Variants in PHF24 observed in about 807,000 individuals in gnomAD.
The protein encoded by PHF24 is Galpha inhibitory interacting protein.
PHF24 carries 25 observed loss-of-function variants against 42.6 expected under a neutral mutation model. The observed-to-expected ratio is 0.59, with a 90% CI of 0.43 to 0.82. The LOEUF is 0.82. Ranked by LOEUF, PHF24 falls within the 40% of genes least tolerant of loss-of-function variation. The pLI is 0.00. For missense variants in PHF24, 470 were observed against 538.1 expected, an observed-to-expected ratio of 0.87 and a Z score of 1.25; for synonymous variants, 185 against 204.8, an observed-to-expected ratio of 0.90 and a Z score of 0.83.
chr9:34,854,196 AT>A, the PHF24 span, among the ~76,000 whole-genome samples: 10,081 of 106,586 alleles, frequency 0.095, 1,168 homozygotes, highest in African/African-American at 0.31. Context: ...CAGTCTATCT[AT>A]TTTTTTTTTT....
At chr9:34,679,664 G>A in the PHF24 span, among the ~76,000 whole-genome samples, 2 of 152,162 alleles carry the variant, frequency 1.3e-5, no homozygotes, top group South Asian at 2.1e-4. Context: ...GCAGTGAGCC[G>A]AGATCGCGGC....
chr9:34,941,064 C>A, the PHF24 span, among the ~76,000 whole-genome samples: 1 of 152,158 alleles, frequency 6.6e-6, no homozygotes, highest in Admixed American at 6.6e-5. Context: ...ATATGAAATA[C>A]AAAATCCCCC....
At chr9:34,932,015 G>A in the PHF24 span, among the ~76,000 whole-genome samples, 1 of 152,196 alleles carries the variant, frequency 6.6e-6, no homozygotes, top group Admixed American at 6.5e-5. Context: ...ATGGTGTGGG[G>A]TAAGGAGTGA....
chr9:34,884,444 G>A, the PHF24 span, among the ~76,000 whole-genome samples: 1 of 152,158 alleles, frequency 6.6e-6, no homozygotes, highest in Admixed American at 6.5e-5. Flanking sequence ...GGACTACTGT[G>A]TTCATACATT....
chr9:34,680,501 A>G, the PHF24 span, among the ~76,000 whole-genome samples: 5 of 151,498 alleles, frequency 3.3e-5, no homozygotes, highest in Admixed American at 6.6e-5. Context: ...ATCCTGGCTA[A>G]AACGGTGAAA....
At chr9:34,890,453 G>A in the PHF24 span, among the ~76,000 whole-genome samples, 1 of 152,204 alleles carries the variant, frequency 6.6e-6, no homozygotes, top group Non-Finnish European at 1.5e-5. Context: ...CTGGGCCTCT[G>A]TCATGTCTCC....
At chr9:34,709,931 G>A in the PHF24 span, 1 of 1,614,164 alleles carries the variant, frequency 6.2e-7, no homozygotes, top group Non-Finnish European at 8.5e-7. Context: ...GCCAGGGGCT[G>A]CTGGCAAGCT....
At chr9:34,861,636 A>G in the PHF24 span, among the ~76,000 whole-genome samples, 1 of 152,328 alleles carries the variant, frequency 6.6e-6, no homozygotes, top group South Asian at 2.1e-4. Context: ...AATGTATATA[A>G]CCCATTAAAT....
the PHF24 span, among the ~76,000 whole-genome samples, chr9:34,841,702 A>C: frequency 2.0e-5 from 3 of 152,112 alleles, no homozygotes; most frequent in African/African-American, 7.2e-5. Flanking sequence ...TACTAAAAAT[A>C]CAAAAATTAG....
chr9:34,832,746 A>G, the PHF24 span: 2 of 1,549,402 alleles, frequency 1.3e-6, no homozygotes, highest in Middle Eastern at 1.7e-4. Flanking sequence ...TTGGCATTGC[A>G]AAGTTTGGCC....
chr9:34,730,559 G>A, the PHF24 span, among the ~76,000 whole-genome samples: 3 of 152,202 alleles, frequency 2.0e-5, no homozygotes, highest in Non-Finnish European at 4.4e-5. Context: ...AGACATTTGA[G>A]CCGCATTGGC....
the PHF24 span, among the ~76,000 whole-genome samples, chr9:34,693,905 C>T: frequency 8.3e-4 from 127 of 152,100 alleles, no homozygotes; most frequent in African/African-American, 2.3e-3. Flanking sequence ...TTCTTTCTCC[C>T]TTTAGCTTTT....
the PHF24 span, among the ~76,000 whole-genome samples, chr9:34,783,235 C>A: frequency 1.3e-5 from 2 of 152,128 alleles, no homozygotes; most frequent in East Asian, 1.9e-4. Flanking sequence ...TAGTCATAAG[C>A]GTGAAAGGAA....
the PHF24 span, among the ~76,000 whole-genome samples, chr9:34,676,746 C>G: frequency 6.6e-6 from 1 of 152,206 alleles, no homozygotes; most frequent in African/African-American, 2.4e-5. Flanking sequence ...CTGAGGAGGA[C>G]TCAGGAAGCT....
At chr9:34,812,372 A>G in the PHF24 span, among the ~76,000 whole-genome samples, 3 of 152,232 alleles carry the variant, frequency 2.0e-5, no homozygotes, top group Admixed American at 6.5e-5. Flanking sequence ...CTGCTGTGGA[A>G]AACATTTCGT....
At chr9:34,729,509 A>G in the PHF24 span, 1 of 1,425,898 alleles carries the variant, frequency 7.0e-7, no homozygotes, top group Non-Finnish European at 9.4e-7. Context: ...TCCCAGTGCT[A>G]GGCCTTGTCA....
At chr9:34,923,355 G>A in the PHF24 span, among the ~76,000 whole-genome samples, 1 of 152,092 alleles carries the variant, frequency 6.6e-6, no homozygotes, top group Non-Finnish European at 1.5e-5. Flanking sequence ...TTTGGTATCA[G>A]GATAATACTG....
At chr9:34,973,222 A>G (rs1260774980) in intron 3 of PHF24, among the ~76,000 whole-genome samples, 4 of 152,130 alleles carry the variant, frequency 2.6e-5, no homozygotes, top group African/African-American at 9.7e-5. Context: ...GTTGTCATTC[A>G]TTGTATCCAT....
At chr9:34,940,963 C>T in the PHF24 span, among the ~76,000 whole-genome samples, 10 of 152,288 alleles carry the variant, frequency 6.6e-5, no homozygotes, top group African/African-American at 1.2e-4. Context: ...GCTTATAGTT[C>T]GGTGGGACTC....
Sources: allele counts gnomAD v4.1 joint callset (sites outside exome capture counted in the v4.1 genomes callset), GRCh38; gene constraint gnomAD v4.1.1; transcripts MANE v1.5; gene names NCBI Gene and HGNC (gene_info 2026-07-23, HGNC 2026-07-21).